CNKSR3: variants seen among roughly 807,000 people sequenced by gnomAD.
CNKSR3 encodes the protein CNKSR family member 3, also known as connector enhancer of kinase suppressor of ras 3.
Under a neutral mutation model 67.7 loss-of-function variants are expected in CNKSR3, and 36 were observed. The observed-to-expected ratio is 0.53, with a 90% CI of 0.41 to 0.70. The LOEUF (loss-of-function observed/expected upper bound fraction) is 0.70. Ranked by LOEUF, CNKSR3 falls within the 30% of genes least tolerant of loss-of-function variation. The pLI, the probability that CNKSR3 is intolerant of heterozygous loss-of-function variation, is 0.00. For synonymous variants in CNKSR3, 281 were observed against 271.4 expected, an observed-to-expected ratio of 1.04 and a Z score of -0.35; for missense variants, 630 against 695.2, an observed-to-expected ratio of 0.91 and a Z score of 1.05.
intron 9 of CNKSR3, among the ~76,000 whole-genome samples, chr6:154,421,676 T>C (rs926290854): frequency 1.3e-5 from 2 of 152,172 alleles, no homozygotes; most frequent in Admixed American, 1.3e-4. Context: ...TACTACATAA[T>C]GTCTAAATAA....
intron 2 of CNKSR3, 114 bp from the exon 3 acceptor site, chr6:154,442,404 C>A: frequency 1.2e-6 from 1 of 815,932 alleles, no homozygotes; most frequent in Non-Finnish European, 2.0e-6. Flanking sequence ...GGGCGGATCA[C>A]GAGGTCAGGA....
intron 11 of CNKSR3, 152 bp from the exon 12 acceptor site, chr6:154,410,584 G>GT (rs955622938): frequency 2.9e-5 from 18 of 613,868 alleles, no homozygotes; most frequent in Non-Finnish European, 5.2e-5. Context: ...TTAAAGCACT[G>GT]TATTTCCATA....
chr6:154,440,924 A>C (rs755891216), intron 4 of CNKSR3, among the ~76,000 whole-genome samples: 8 of 152,134 alleles, frequency 5.3e-5, no homozygotes, highest in Non-Finnish European at 1.0e-4. Context: ...GAAAATTAAG[A>C]AGCAGATATA....
At position 154,389,687 on chromosome 6, in the gene CNKSR3, G is replaced by A. The variant is rs1041896552; in HGVS notation, c.*16667C>T. The stretch of plus-strand genomic sequence containing the variant: ...ATTTTTTAAACATGTTAGAATAAAG[G>A]AATTCAATAAAGTTGCATAATACAA... On this transcript the variant is annotated 3_prime_UTR_variant, in exon 13 of 13. Coordinates refer to ENST00000607772, the MANE Select transcript of CNKSR3 (RefSeq NM_173515.4). 2 of 143,138 alleles carry A rather than the reference G, an allele frequency of 1.4e-5. No individual in the cohort carries two copies. The highest frequency in any genetic ancestry group is 2.1e-4 in the East Asian group (1 of 4,738). The allele number at this position is 143,138 out of a possible 1,614,324, so 8.9% of individuals were successfully genotyped here.
rs943685729 is a variant in CNKSR3 at position 154,401,938 on chromosome 6, C to G, written c.*4416G>C. The G allele has an allele frequency of 1.3e-5, 2 of 151,550 alleles. No individual in the cohort carries two copies. The highest frequency in any genetic ancestry group is 4.9e-5 in the African/African-American group (2 of 41,186). The allele number at this position is 151,550 out of a possible 1,614,324, so 9.4% of individuals were successfully genotyped here. A position where few individuals can be genotyped will look rare whatever the true frequency, so the allele number is the denominator to read the frequency against. On this transcript the variant is annotated 3_prime_UTR_variant, in exon 13 of 13. Coordinates refer to ENST00000607772, the MANE Select transcript of CNKSR3 (RefSeq NM_173515.4). ...TCAGGGTTTGCTGCAATACTAACAA[C>G]CTAAAGAGGAATGTTCATGGTCTTC...
At chr6:154,505,479 A>ATTT in intron 1 of CNKSR3, among the ~76,000 whole-genome samples, 1 of 146,882 alleles carries the variant, frequency 6.8e-6, no homozygotes, top group South Asian at 2.1e-4. Context: ...CAACTACACA[A>ATTT]TTTTATTATT....
chr6:154,442,355 G>A (rs1168421663), intron 2 of CNKSR3, 65 bp from the exon 3 acceptor site: 5 of 1,362,274 alleles, frequency 3.7e-6, no homozygotes, highest in Non-Finnish European at 4.2e-6. Context: ...GGGCGCGGTG[G>A]CTCACGCCTG....
intron 9 of CNKSR3, among the ~76,000 whole-genome samples, chr6:154,417,421 C>CA (rs991296364): frequency 3.9e-5 from 6 of 152,182 alleles, no homozygotes; most frequent in African/African-American, 1.4e-4. Context: ...ATGTGCTTCC[C>CA]AGTGGCCTCC....
chr6:154,429,921 C>G (rs1164377592), intron 6 of CNKSR3, among the ~76,000 whole-genome samples: 1 of 152,198 alleles, frequency 6.6e-6, no homozygotes, highest in Non-Finnish European at 1.5e-5. Context: ...CTCTCTGACT[C>G]AAAGCCTCTA....
intron 2 of CNKSR3, among the ~76,000 whole-genome samples, chr6:154,449,141 C>A (rs2128718945): frequency 6.6e-6 from 1 of 152,268 alleles, no homozygotes; most frequent in Non-Finnish European, 1.5e-5. Flanking sequence ...ATGTTAAAGC[C>A]AAAACCCATC....
intron 1 of CNKSR3, among the ~76,000 whole-genome samples, chr6:154,497,716 C>T (rs376718935): frequency 7.9e-5 from 12 of 152,276 alleles, no homozygotes; most frequent in East Asian, 1.9e-4. Flanking sequence ...ATACTTACAA[C>T]GCAAACTGAA....
intron 1 of CNKSR3, among the ~76,000 whole-genome samples, chr6:154,505,646 C>T (rs1473140478): frequency 6.6e-6 from 1 of 151,000 alleles, no homozygotes; most frequent in Non-Finnish European, 1.5e-5. Flanking sequence ...TACAGGCGCC[C>T]ACCACCACAC....
rs923838455 is a variant in CNKSR3 at position 154,393,900 on chromosome 6, T to G, written c.*12454A>C. The G allele has an allele frequency of 6.6e-6, 1 of 152,248 alleles. No individual in the cohort carries two copies. Among genetic ancestry groups the G allele is most frequent in the African/African-American group, 2.4e-5 (1 of 41,472 alleles). The allele number at this position is 152,248 out of a possible 1,614,324, so 9.4% of individuals were successfully genotyped here. The stretch of plus-strand genomic sequence containing the variant: ...AAAATGTAGTCTTGAGTATTAATAT[T>G]AGAAAAGAGTTGTAAATTAATAAGC... On this transcript the variant is annotated 3_prime_UTR_variant, in exon 13 of 13. Coordinates refer to ENST00000607772, the MANE Select transcript of CNKSR3 (RefSeq NM_173515.4).
At chr6:154,502,061 A>G (rs1787008626) in intron 1 of CNKSR3, among the ~76,000 whole-genome samples, 1 of 152,184 alleles carries the variant, frequency 6.6e-6, no homozygotes, top group Admixed American at 6.6e-5. Flanking sequence ...AGTTAACTTG[A>G]GTTATTATTG....
rs113048199 is a variant in CNKSR3 at position 154,496,088 on chromosome 6, A to G, written c.52+13975T>C. Among the ~76,000 whole-genome samples, 508 of 152,270 alleles carry G rather than the reference A, an allele frequency of 3.3e-3. 3 individuals are homozygous for G. The highest frequency in any genetic ancestry group is 0.011 in the African/African-American group (467 of 41,552). On this transcript the variant is annotated intron_variant, in intron 1 of 12. Transcript: ENST00000607772. ...GTTAGACATGCGGCCGTCACTATAC[A>G]TGACGTTACCAGAATTTCTGGGAGT...
At chr6:154,454,807 C>T (rs1785916847) in intron 1 of CNKSR3, among the ~76,000 whole-genome samples, 2 of 151,592 alleles carry the variant, frequency 1.3e-5, no homozygotes, top group Admixed American at 1.3e-4. Context: ...CAAGTGTGAG[C>T]CACTATACCT....
At chr6:154,466,760 C>T (rs1486141929) in intron 1 of CNKSR3, among the ~76,000 whole-genome samples, 2 of 150,730 alleles carry the variant, frequency 1.3e-5, no homozygotes, top group African/African-American at 2.5e-5. Context: ...GCTGGGGCTA[C>T]AGGTGCACAC....
intron 2 of CNKSR3, among the ~76,000 whole-genome samples, chr6:154,443,363 T>C (rs1295944053): frequency 6.6e-6 from 1 of 151,588 alleles, no homozygotes; most frequent in African/African-American, 2.4e-5. Context: ...AGGATGTTTA[T>C]CAGCATCCCT....
chr6:154,493,346 A>G (rs1431646225), intron 1 of CNKSR3, among the ~76,000 whole-genome samples: 1 of 152,206 alleles, frequency 6.6e-6, no homozygotes, highest in African/African-American at 2.4e-5. Context: ...TATGAATTTT[A>G]CAATCATCTT....
Sources: allele counts gnomAD v4.1 joint callset (sites outside exome capture counted in the v4.1 genomes callset), GRCh38; gene constraint gnomAD v4.1.1; transcripts MANE v1.5; gene names NCBI Gene and HGNC (gene_info 2026-07-23, HGNC 2026-07-21).